Variants in ZFYVE26 observed in about 807,000 individuals in gnomAD.
ZFYVE26 encodes the protein zinc finger FYVE domain-containing protein 26.
ZFYVE26 carries 181 observed loss-of-function variants against 276.5 expected under a neutral mutation model. The ratio of observed to expected loss-of-function variants is 0.65; its 90% confidence interval spans 0.58 to 0.74. The LOEUF (loss-of-function observed/expected upper bound fraction) is 0.74. Among genes scored for constraint, ZFYVE26 ranks in the 30% least tolerant of loss-of-function variants. The pLI is 0.00. For missense variants in ZFYVE26, 2,821 were observed against 3,097.9 expected, an observed-to-expected ratio of 0.91 and a Z score of 2.12; for synonymous variants, 1,129 against 1,203.1, an observed-to-expected ratio of 0.94 and a Z score of 1.27.
chr14:67,809,288 T>C lies in ZFYVE26; in HGVS notation c.275A>G (p.Lys92Arg). ...TCTCCGGAAAACAACTGGGAGTAACTTCTAGAAGAATCAAAAGAATGAAGC... is the reference window on the plus strand; with the variant it reads ...TCTCCGGAAAACAACTGGGAGTAACCTCTAGAAGAATCAAAAGAATGAAGC... ...VLEKWLAREK[K>R]LLPVVFRRKL... The change falls in exon 4 of 42, where the codon AAG (lysine) becomes AGG (arginine). Residue 92 changes from lysine (K) to arginine (R), a missense_variant and splice_region_variant. Transcript: ENST00000347230. 6.2e-7 allele frequency: 1 copy of C among 1,611,168 alleles called. No individual in the cohort carries two copies. Among genetic ancestry groups the C allele is most frequent in the Non-Finnish European group, 8.5e-7 (1 of 1,177,356 alleles).
Position 67,762,260 on chromosome 14 carries a change from C to G in ZFYVE26, c.6312G>C (p.Arg2104Ser), listed in dbSNP as rs758451085. 9 of 1,614,044 alleles carry G rather than the reference C, an allele frequency of 5.6e-6. No homozygotes were observed. Among genetic ancestry groups the G allele is most frequent in the East Asian group, 2.2e-5 (1 of 44,892 alleles). ...GGTACTCAACCACATCCTGCACCAG[C>G]CTTGAGCCATGATTCAGCTGATTGA... is the stretch of plus-strand genomic sequence containing the variant. ...FDLNQLNHGS[R>S]LVQDVVEYLE... is the part of the protein sequence containing the mutation. The change falls in exon 34 of 42, where the codon AGG (arginine) becomes AGC (serine). Residue 2104 changes from arginine (R) to serine (S), a missense_variant. Arg to Ser is a moderately radical substitution (Grantham distance 110). Coordinates refer to ENST00000347230, the MANE Select transcript of ZFYVE26 (RefSeq NM_015346.4).
chr14:67,738,113 T>C (rs187796843), intron 13 of ZFYVE26, among the ~76,000 whole-genome samples: 24 of 152,066 alleles, frequency 1.6e-4, no homozygotes, highest in Non-Finnish European at 2.6e-4. Context: ...TATAGAAAAA[T>C]AGATATTTTT....
At position 67,754,216 on chromosome 14, in the gene ZFYVE26, T is replaced by G. The variant is rs1373701230; in HGVS notation, c.6987-4A>C. ...CAGCTGAAGTGTGTTCATGTGCCTG[T>G]GGTGACAGAATATGCACAGTCCAGC... On this transcript the variant is annotated splice_region_variant and splice_polypyrimidine_tract_variant and intron_variant, in intron 37 of 41. Transcript: ENST00000347230. 1.9e-6 allele frequency: 3 copies of G among 1,614,054 alleles called. No homozygotes were observed. In the African/African-American group the frequency reaches 4.0e-5, roughly 22 times the overall value.
At chr14:67,809,129 T>C in intron 4 of ZFYVE26, 71 bp downstream of exon 4, 1 of 1,321,330 alleles carries the variant, frequency 7.6e-7, no homozygotes, top group South Asian at 1.2e-5. Flanking sequence ...CTCTCTCTTC[T>C]GGGTCCATGG....
intron 24 of ZFYVE26, among the ~76,000 whole-genome samples, 194 bp from the exon 25 acceptor site, chr14:67,777,929 T>A (rs1479954948): frequency 6.6e-6 from 1 of 151,948 alleles, no homozygotes; most frequent in Non-Finnish European, 1.5e-5. Context: ...TCAGCAGAAT[T>A]CTGGACCCAG....
intron 21 of ZFYVE26, 113 bp downstream of exon 21, chr14:67,782,667 G>A (rs2039531342): frequency 1.3e-6 from 2 of 1,531,968 alleles, no homozygotes; most frequent in East Asian, 4.5e-5. Context: ...AATAACATGA[G>A]ATTATAGTGG....
chr14:67,790,611 G>A lies in ZFYVE26; in HGVS notation c.2716C>T (p.Arg906Cys), dbSNP rs267604033. ...SSTIRRTGSG[R>C]STLQAIGSAA... ...CTGCCAATGGCCTGTAGAGTTGAGCGGCCACTGCCAGTTCTCCGAATGGTG... is the reference window on the plus strand; with the variant it reads ...CTGCCAATGGCCTGTAGAGTTGAGCAGCCACTGCCAGTTCTCCGAATGGTG... Residue 906 changes from arginine (R) to cysteine (C), a missense_variant, in exon 15 of 42, where the codon CGC becomes TGC. Transcript: ENST00000347230. 1.4e-5 allele frequency: 22 copies of A among 1,614,038 alleles called. No homozygotes were observed. The highest frequency in any genetic ancestry group is 1.2e-4 in the African/African-American group (9 of 75,054).
At chr14:67,787,221 G>C (rs544874194) in intron 16 of ZFYVE26, among the ~76,000 whole-genome samples, 190 of 152,204 alleles carry the variant, frequency 1.2e-3, no homozygotes, top group Non-Finnish European at 8.4e-4. Context: ...GCACACACCT[G>C]TCATTCTAGC....
intron 28 of ZFYVE26, 63 bp from the exon 29 acceptor site, chr14:67,769,793 C>G: frequency 6.2e-7 from 1 of 1,608,428 alleles, no homozygotes; most frequent in Non-Finnish European, 8.5e-7. Flanking sequence ...GCCATCAATC[C>G]ATTTATACAT....
At position 67,751,113 on chromosome 14, in the gene ZFYVE26, C is replaced by A; in HGVS notation, c.7372-17G>T. 1.2e-6 allele frequency: 2 copies of A among 1,614,186 alleles called. No homozygotes were observed. Among genetic ancestry groups the A allele is most frequent in the Non-Finnish European group, 1.7e-6 (2 of 1,180,024 alleles). ...CTCCAGCTCCTGTGCAGAACAGAAA[C>A]AGCACTGTGAGAGGGAGAAGAGTCC... On this transcript the variant is annotated splice_polypyrimidine_tract_variant and intron_variant, in intron 40 of 41. Transcript: ENST00000347230.
At chr14:67,782,040 C>CA (rs2039513782) in intron 21 of ZFYVE26, among the ~76,000 whole-genome samples, 1 of 152,200 alleles carries the variant, frequency 6.6e-6, no homozygotes, top group Admixed American at 6.5e-5. Flanking sequence ...AAACAGACTC[C>CA]AAGCAATTAA....
intron 35 of ZFYVE26, among the ~76,000 whole-genome samples, chr14:67,759,879 G>A (rs2038888525): frequency 6.6e-6 from 1 of 152,136 alleles, no homozygotes; most frequent in African/African-American, 2.4e-5. Flanking sequence ...GGCAGAGTGG[G>A]CAAAGGGACA....
At chr14:67,779,706 T>C (rs186294321) in intron 23 of ZFYVE26, among the ~76,000 whole-genome samples, 1 of 152,310 alleles carries the variant, frequency 6.6e-6, no homozygotes, top group East Asian at 1.9e-4. Context: ...TCATGACCAA[T>C]GACCCAGCAA....
chr14:67,807,492 C>T lies in ZFYVE26; in HGVS notation c.792G>A (p.Leu264=), dbSNP rs149572207. 30 of 1,614,102 alleles carry T rather than the reference C, an allele frequency of 1.9e-5. No individual in the cohort carries two copies. The African/African-American group carries it at 3.5e-4, about 19-fold the overall frequency. ...ACAGCAGGCCCCGGCTGGCCTTGTG[C>T]AGCAGGCAGCTGAGCAGCCGCTCCT... is the stretch of plus-strand genomic sequence containing the variant. ...LREERLLSCL[L]HKASRGLLSL... Residue 264 remains leucine, a synonymous_variant, in exon 5 of 42, where the codon CTG becomes CTA. Coordinates refer to ENST00000347230, the MANE Select transcript of ZFYVE26 (RefSeq NM_015346.4).
chr14:67,813,128 G>A (rs900264831), intron 3 of ZFYVE26, among the ~76,000 whole-genome samples: 3 of 152,162 alleles, frequency 2.0e-5, no homozygotes, highest in Non-Finnish European at 2.9e-5. Flanking sequence ...TCTGGTGACC[G>A]AGAGGAGCAA....
At chr14:67,767,140 T>G (rs2039080913) in intron 31 of ZFYVE26, among the ~76,000 whole-genome samples, 1 of 152,152 alleles carries the variant, frequency 6.6e-6, no homozygotes, top group Non-Finnish European at 1.5e-5. Context: ...CTTTAAGCCA[T>G]GGACACACTG....
At chr14:67,772,257 A>G in intron 27 of ZFYVE26, 47 bp from the exon 28 acceptor site, 1 of 1,583,644 alleles carries the variant, frequency 6.3e-7, no homozygotes, top group South Asian at 1.1e-5. Context: ...TCAATATACC[A>G]GCTTATAGAT....
Position 67,805,229 on chromosome 14 carries a change from A to C in ZFYVE26, c.1259T>G (p.Ile420Arg). Residue 420 changes from isoleucine (I) to arginine (R), a missense_variant, in exon 8 of 42, where the codon ATA (isoleucine) becomes AGA (arginine). Transcript: ENST00000347230. ...WAHLEVLEWC[I>R]QQSSNPIPKR... is the part of the protein sequence containing the mutation. ...CACAGGGCCATACCTGCTCTGCTGT[A>C]TGCACCACTCCAGGACCTCCAGGTG... The C allele has an allele frequency of 6.2e-7, 1 of 1,613,888 alleles. No individual in the cohort carries two copies. Among genetic ancestry groups the C allele is most frequent in the Admixed American group, 1.7e-5 (1 of 59,996 alleles).
At position 67,737,204 on chromosome 14, in the gene ZFYVE26, C is replaced by T. The variant is rs544586157; in HGVS notation, n.2680-7385G>A. Among the ~76,000 whole-genome samples, 10 of 147,636 alleles carry T rather than the reference C, an allele frequency of 6.8e-5. No individual in the cohort carries two copies. In the East Asian group the frequency reaches 1.5e-3, roughly 22 times the overall value. On this transcript the variant is annotated intron_variant and non_coding_transcript_variant, in intron 13 of 14. Transcript: ENST00000394455. ...TTGGCCTATCAAAGTGCTGGGATTACAAGCATGAGCCACTATGCCTAGCTG... is the reference window on the plus strand; with the variant it reads ...TTGGCCTATCAAAGTGCTGGGATTATAAGCATGAGCCACTATGCCTAGCTG...
Sources: allele counts gnomAD v4.1 joint callset (sites outside exome capture counted in the v4.1 genomes callset), GRCh38; gene constraint gnomAD v4.1.1; transcripts MANE v1.5; gene names NCBI Gene and HGNC (gene_info 2026-07-23, HGNC 2026-07-21).